MINPP1: variants seen among roughly 807,000 people sequenced by gnomAD.
MINPP1 encodes the protein multiple inositol polyphosphate phosphatase 1.
In MINPP1, 28 loss-of-function variants were observed where a neutral mutation model predicts 46.1. That is an observed-to-expected ratio of 0.61 (90% CI 0.45 to 0.83). The LOEUF (loss-of-function observed/expected upper bound fraction) is 0.83, where lower values mean the gene tolerates loss of function less well. Among genes scored for constraint, MINPP1 ranks in the 40% least tolerant of loss-of-function variants. The pLI is 0.00. For synonymous variants in MINPP1, 268 were observed against 249.1 expected (o/e 1.08, Z -0.72); for missense variants, 603 against 610.0 (o/e 0.99, Z 0.12).
At chr10:87,534,653 C>A (rs751835323) in intron 4 of MINPP1, among the ~76,000 whole-genome samples, 2 of 151,982 alleles carry the variant, frequency 1.3e-5, no homozygotes, top group African/African-American at 4.8e-5. Flanking sequence ...TGTGCTGACC[C>A]CAACAGTAGA....
In MINPP1 at chr10:87,553,123, T is replaced by TTAG. The variant is rs1208475083; in HGVS notation, c.*646_*647insAGT. 9.2e-5 allele frequency: 14 copies of TTAG among 152,194 alleles called. No homozygotes were observed. Among genetic ancestry groups the TTAG allele is most frequent in the African/African-American group, 3.4e-4 (14 of 41,468 alleles). The allele number at this position is 152,194 out of a possible 1,614,324, so 9.4% of individuals were successfully genotyped here. A position where few individuals can be genotyped will look rare whatever the true frequency, so the allele number is the denominator to read the frequency against. ...CATTTTTTCAATAATTCCTTTTTAC[T>TTAG]TCTAGGAAGTCTCAAAAGACCATCT... is the stretch of plus-strand genomic sequence containing the variant. On this transcript the variant is annotated 3_prime_UTR_variant, in exon 5 of 5. Coordinates refer to ENST00000371996, the MANE Select transcript of MINPP1 (RefSeq NM_004897.5).
intron 2 of MINPP1, among the ~76,000 whole-genome samples, chr10:87,510,097 TA>T (rs1330880539): frequency 2.0e-5 from 3 of 152,228 alleles, no homozygotes; most frequent in African/African-American, 7.2e-5. Context: ...ACAAGTTTAT[TA>T]ATGTCTTTAT....
intron 3 of MINPP1, among the ~76,000 whole-genome samples, chr10:87,518,113 C>T (rs1432498613): frequency 6.6e-6 from 1 of 151,944 alleles, no homozygotes; most frequent in Non-Finnish European, 1.5e-5. Context: ...GCACCCGCCA[C>T]CACACCCGGC....
intron 4 of MINPP1, chr10:87,546,483 G>C (rs1851888483): frequency 6.6e-6 from 1 of 152,238 alleles, no homozygotes; most frequent in African/African-American, 2.4e-5. Flanking sequence ...TGTGTCTTGA[G>C]AAACACGTTC....
intron 4 of MINPP1, among the ~76,000 whole-genome samples, chr10:87,547,868 A>G (rs1327653803): frequency 6.6e-6 from 1 of 152,174 alleles, no homozygotes; most frequent in Non-Finnish European, 1.5e-5. Flanking sequence ...AAACACTACC[A>G]TAGAGCCATC....
chr10:87,541,443 A>G (rs1851814190), intron 4 of MINPP1, among the ~76,000 whole-genome samples: 1 of 152,232 alleles, frequency 6.6e-6, no homozygotes, highest in Admixed American at 6.5e-5. Context: ...CTTGAATTTT[A>G]TACCTCATGA....
At chr10:87,526,204 C>T (rs1328307367) in intron 4 of MINPP1, among the ~76,000 whole-genome samples, 1 of 152,192 alleles carries the variant, frequency 6.6e-6, no homozygotes, top group Non-Finnish European at 1.5e-5. Flanking sequence ...TCCTCTCCAG[C>T]ACCTGTTGTT....
chr10:87,526,127 C>G (rs1314364310), intron 4 of MINPP1, among the ~76,000 whole-genome samples: 1 of 152,196 alleles, frequency 6.6e-6, no homozygotes, highest in Admixed American at 6.5e-5. Context: ...TGAGGAATCA[C>G]CACACTGTCT....
rs1430454423 is a variant in MINPP1 at position 87,508,411 on chromosome 10, A to C, written c.713A>C (p.Glu238Ala). ...FFDHCEKFLT[E>A]VEKNATALYH... ...GATCACTGTGAGAAGTTTTTAACTG[A>C]AGTAGAAAAAAATGCTACAGCTCTT... The change falls in exon 2 of 5, where the codon GAA becomes GCA. Residue 238 changes from glutamate to alanine, a missense_variant. Glu to Ala is a moderately radical substitution (Grantham distance 107). Coordinates refer to ENST00000371996, the MANE Select transcript of MINPP1 (RefSeq NM_004897.5). 2 of 1,613,476 alleles carry C rather than the reference A, an allele frequency of 1.2e-6. No individual in the cohort carries two copies. The highest frequency in any genetic ancestry group is 1.7e-6 in the Non-Finnish European group (2 of 1,179,758).
intron 2 of MINPP1, chr10:87,509,712 C>G (rs754961653): frequency 5.6e-6 from 2 of 356,314 alleles, no homozygotes; most frequent in Non-Finnish European, 1.1e-5. Context: ...TATTGTTTTG[C>G]AGATTTTAAA....
chr10:87,512,656 A>G (rs1304593497), intron 2 of MINPP1, among the ~76,000 whole-genome samples: 3 of 152,190 alleles, frequency 2.0e-5, no homozygotes, highest in African/African-American at 7.2e-5. Context: ...AAATCATATT[A>G]AGTTTTATAT....
chr10:87,537,750 T>A (rs3847450), intron 4 of MINPP1, among the ~76,000 whole-genome samples: 50,151 of 151,624 alleles, frequency 0.33, 10,166 homozygotes, highest in Non-Finnish European at 0.46. Context: ...AACTATTCTG[T>A]TTTTTTGTGT....
At chr10:87,517,745 G>A (rs1485243164) in intron 3 of MINPP1, among the ~76,000 whole-genome samples, 1 of 152,120 alleles carries the variant, frequency 6.6e-6, no homozygotes, top group Non-Finnish European at 1.5e-5. Context: ...TTCTGAAGGT[G>A]TATGTCTGGT....
intron 1 of MINPP1, chr10:87,508,053 A>G (rs867941769): frequency 4.1e-6 from 6 of 1,446,432 alleles, no homozygotes; most frequent in Non-Finnish European, 5.4e-6. Flanking sequence ...CAGAAACAGT[A>G]CTTATTAATG....
chr10:87,505,062 C>T lies in MINPP1; in HGVS notation c.147C>T (p.Thr49=). The change falls in exon 1 of 5, where the codon ACC becomes ACT. Residue 49 remains threonine, a synonymous_variant. Coordinates refer to ENST00000371996, the MANE Select transcript of MINPP1 (RefSeq NM_004897.5). The surrounding 1 kb of genome is among the most constrained non-coding windows in gnomAD (Gnocchi z 4.4). Reference sequence around the variant, plus strand: ...CGTCGCTCAGCCCCTATTTCGGCACCAAGACTCGCTACGAGGATGTCAACC... The same window carrying T: ...CGTCGCTCAGCCCCTATTTCGGCACTAAGACTCGCTACGAGGATGTCAACC... ...VASSLSPYFG[T]KTRYEDVNPV... 2.5e-6 allele frequency: 4 copies of T among 1,613,538 alleles called. No homozygotes were observed. The highest frequency in any genetic ancestry group is 3.4e-6 in the Non-Finnish European group (4 of 1,179,920).
At chr10:87,520,313 T>G (rs979343675) in intron 3 of MINPP1, among the ~76,000 whole-genome samples, 1 of 152,136 alleles carries the variant, frequency 6.6e-6, no homozygotes. Flanking sequence ...CTACTATAAG[T>G]CATTCTTGTA....
chr10:87,551,074 G>C (rs775316083), intron 4 of MINPP1, among the ~76,000 whole-genome samples: 15 of 152,154 alleles, frequency 9.9e-5, no homozygotes, highest in Middle Eastern at 3.4e-3. Context: ...ATAATATCTA[G>C]TGCTTGAGGT....
chr10:87,543,987 A>G (rs1300034995), intron 4 of MINPP1, among the ~76,000 whole-genome samples: 1 of 152,252 alleles, frequency 6.6e-6, no homozygotes. Context: ...TTCCCCACCA[A>G]TAAGCAGCAG....
At chr10:87,529,794 A>G (rs1851631488) in intron 4 of MINPP1, among the ~76,000 whole-genome samples, 1 of 152,160 alleles carries the variant, frequency 6.6e-6, no homozygotes. Flanking sequence ...CATCCTGAAT[A>G]GTGTTTTCCA....
Sources: gnomAD v4.1 joint callset for allele counts (sites outside exome capture counted in the v4.1 genomes callset) on GRCh38, gnomAD v4.1.1 for gene constraint, Gnocchi (gnomAD v3.1) non-coding constraint, MANE v1.5 for transcripts, NCBI Gene and HGNC (gene_info 2026-07-23, HGNC 2026-07-21) for gene names.